Variants in PCSK5 observed in about 807,000 individuals in gnomAD.
PCSK5 encodes prohormone convertase 5.
PCSK5 carries 129 observed loss-of-function variants against 233.2 expected under a neutral mutation model. The ratio of observed to expected loss-of-function variants is 0.55; its 90% CI spans 0.48 to 0.64. The LOEUF (loss-of-function observed/expected upper bound fraction) is 0.64, where lower values mean the gene tolerates loss of function less well. Ranked by LOEUF, PCSK5 falls within the 30% of genes least tolerant of loss-of-function variation. The pLI, the probability that PCSK5 is intolerant of heterozygous loss-of-function variation, is 0.00. For synonymous variants in PCSK5, 825 were observed against 879.2 expected, an observed-to-expected ratio of 0.94 and a Z score of 1.09; for missense variants, 2,076 against 2,430.1, an observed-to-expected ratio of 0.85 and a Z score of 3.06.
At chr9:76,231,244 C>A (rs1826068480) in intron 21 of PCSK5, among the ~76,000 whole-genome samples, 2 of 152,106 alleles carry the variant, frequency 1.3e-5, no homozygotes, top group South Asian at 2.1e-4. Context: ...AAACCATGAG[C>A]TCTTGTGAGA....
At chr9:76,204,471 TCTC>T (rs1825034154) in intron 20 of PCSK5, among the ~76,000 whole-genome samples, 1 of 151,640 alleles carries the variant, frequency 6.6e-6, no homozygotes, top group Non-Finnish European at 1.5e-5. Context: ...TCTCCTCTCT[TCTC>T]TCTCTCTTTC....
At position 76,328,053 on chromosome 9, in the gene PCSK5, A is replaced by G. The variant is rs1246376179; in HGVS notation, c.4384A>G (p.Thr1462Ala). ...CLTCSSSGTC[T>A]TCQKGLIMNP... is the part of the protein sequence containing the mutation. The stretch of plus-strand genomic sequence containing the variant: ...GACCTGCTCATCATCTGGGACCTGC[A>G]CCACCTGTCAGAAAGGCCTGATCAT... The change falls in exon 33 of 38, where the codon ACC (threonine) becomes GCC (alanine). Residue 1462 changes from threonine (T) to alanine (A), a missense_variant. This residue lies in a region of PCSK5 where 1,510 missense variants were observed against 1,538.1 expected (regional missense o/e 0.98). Transcript: ENST00000674117. 1 of 1,612,696 alleles carries G rather than the reference A, an allele frequency of 6.2e-7. No homozygotes were observed. Among genetic ancestry groups the G allele is most frequent in the African/African-American group, 1.3e-5 (1 of 74,902 alleles).
intron 27 of PCSK5, among the ~76,000 whole-genome samples, chr9:76,298,456 G>A (rs891714123): frequency 6.6e-6 from 1 of 152,174 alleles, no homozygotes; most frequent in Non-Finnish European, 1.5e-5. Context: ...CCATTCCCAT[G>A]ACCTATGAAA....
chr9:75,898,872 A>G (rs1825913549), intron 1 of PCSK5, among the ~76,000 whole-genome samples: 1 of 152,246 alleles, frequency 6.6e-6, no homozygotes, highest in African/African-American at 2.4e-5. Context: ...TTGAGAAGCT[A>G]GAACATTTTC....
chr9:76,189,950 G>T (rs1328819944), intron 20 of PCSK5, among the ~76,000 whole-genome samples: 1 of 152,148 alleles, frequency 6.6e-6, no homozygotes, highest in Non-Finnish European at 1.5e-5. Context: ...AGCTACAGTG[G>T]CACTGGCCAA....
chr9:76,170,508 T>C (rs1291836334), intron 13 of PCSK5, among the ~76,000 whole-genome samples: 2 of 152,182 alleles, frequency 1.3e-5, no homozygotes, highest in Non-Finnish European at 2.9e-5. Flanking sequence ...CAAGGCAACA[T>C]GGGGTGAGAG....
At chr9:76,303,441 A>G (rs1032342987) in intron 28 of PCSK5, among the ~76,000 whole-genome samples, 7 of 152,248 alleles carry the variant, frequency 4.6e-5, no homozygotes, top group African/African-American at 1.7e-4. Context: ...AGATATAGAC[A>G]TTAAAACTTA....
chr9:76,059,048 A>T (rs1373036864), intron 5 of PCSK5, among the ~76,000 whole-genome samples: 1 of 152,250 alleles, frequency 6.6e-6, no homozygotes, highest in Non-Finnish European at 1.5e-5. Context: ...AATGCAGTGA[A>T]TATTAAATAG....
chr9:75,999,388 C>T (rs1827168858), intron 3 of PCSK5, among the ~76,000 whole-genome samples: 2 of 118,032 alleles, frequency 1.7e-5, no homozygotes, highest in South Asian at 5.0e-4. Flanking sequence ...GGTCTCACAG[C>T]CTTCAGAGCT....
intron 5 of PCSK5, among the ~76,000 whole-genome samples, chr9:76,066,299 C>T (rs1830284821): frequency 6.6e-6 from 1 of 152,060 alleles, no homozygotes. Flanking sequence ...GTGTTTTCTT[C>T]AATTTCTTTG....
chr9:76,085,281 T>C (rs143516034), intron 7 of PCSK5, among the ~76,000 whole-genome samples: 104 of 152,328 alleles, frequency 6.8e-4, no homozygotes, highest in African/African-American at 2.3e-3. Flanking sequence ...CCCTGAACCC[T>C]GCTGTTTGTT....
At chr9:76,040,325 GTCTCTCTCTC>G (rs757550088) in intron 5 of PCSK5, among the ~76,000 whole-genome samples, 1,513 of 78,950 alleles carry the variant, frequency 0.019, 28 homozygotes, top group African/African-American at 0.032. Flanking sequence ...TGTGTTCTCT[GTCTCTCTCTC>G]TCTCTCTCTC....
chr9:75,914,447 C>T (rs1189294842), intron 1 of PCSK5, among the ~76,000 whole-genome samples: 1 of 152,088 alleles, frequency 6.6e-6, no homozygotes, highest in African/African-American at 2.4e-5. Flanking sequence ...AGCCCTAATA[C>T]TAGTCTCCTA....
At chr9:75,925,702 G>A (rs1460546229) in intron 1 of PCSK5, among the ~76,000 whole-genome samples, 1 of 152,128 alleles carries the variant, frequency 6.6e-6, no homozygotes, top group Non-Finnish European at 1.5e-5. Flanking sequence ...GAAGGAAGGA[G>A]GTGCAAGGGC....
chr9:76,253,193 A>G (rs369687797), intron 24 of PCSK5, among the ~76,000 whole-genome samples: 30 of 151,610 alleles, frequency 2.0e-4, no homozygotes, highest in Admixed American at 5.2e-4. Context: ...GTTACTGACC[A>G]TCGTCTCCAT....
At chr9:76,218,925 T>C (rs73460347) in intron 20 of PCSK5, among the ~76,000 whole-genome samples, 2,351 of 152,274 alleles carry the variant, frequency 0.015, 59 homozygotes, top group African/African-American at 0.054. Context: ...CAATAAATCA[T>C]TGGGCAGCCC....
chr9:76,030,043 CTAAATTTTATTCACAGGAGTATACTT>C (rs1386451871), intron 5 of PCSK5, among the ~76,000 whole-genome samples: 5 of 151,766 alleles, frequency 3.3e-5, no homozygotes, highest in Non-Finnish European at 7.4e-5. Flanking sequence ...CAAATATGCT[CTAAATTTTATTCACAGGAGTATACTT>C]TATTCAATTG....
chr9:76,171,983 T>C (rs1432628489), intron 13 of PCSK5, among the ~76,000 whole-genome samples: 1 of 152,070 alleles, frequency 6.6e-6, no homozygotes, highest in East Asian at 1.9e-4. Context: ...GTTTCTGTGG[T>C]GTACAGTCCT....
chr9:75,930,052 G>A (rs146963717), intron 1 of PCSK5, among the ~76,000 whole-genome samples: 2,789 of 151,998 alleles, frequency 0.018, 78 homozygotes, highest in African/African-American at 0.054. Flanking sequence ...TAGTAGAGAC[G>A]GGGTTTCACC....
Sources: allele counts gnomAD v4.1 joint callset (sites outside exome capture counted in the v4.1 genomes callset), GRCh38; gene constraint gnomAD v4.1.1; regional missense constraint gnomAD v4.1.1; transcripts MANE v1.5; gene names NCBI Gene and HGNC (gene_info 2026-07-23, HGNC 2026-07-21).